The following ARSB variants were observed in gnomAD, a reference collection of about 807,000 sequenced individuals.
The protein encoded by ARSB is N-acetylgalactosamine-4-sulfatase.
ARSB carries 41 observed loss-of-function variants against 50.9 expected under a neutral mutation model. The observed-to-expected ratio is 0.81, with a 90% CI of 0.63 to 1.04. The LOEUF is 1.04. Among genes scored for constraint, ARSB ranks in the 50% least tolerant of loss-of-function variants. The pLI is 0.00. For missense variants in ARSB, 672 were observed against 693.3 expected (o/e 0.97, Z 0.35); for synonymous variants, 269 against 284.8 (o/e 0.94, Z 0.56).
intron 5 of ARSB, among the ~76,000 whole-genome samples, chr5:78,868,886 A>G (rs1333249965): frequency 1.3e-5 from 2 of 151,592 alleles, no homozygotes; most frequent in Non-Finnish European, 1.5e-5. Context: ...TAAAGAGTCA[A>G]GACCCATCAG....
intron 5 of ARSB, among the ~76,000 whole-genome samples, chr5:78,841,882 A>G (rs1745230914): frequency 6.6e-6 from 1 of 152,194 alleles, no homozygotes; most frequent in Non-Finnish European, 1.5e-5. Flanking sequence ...TATCTTAAGT[A>G]TGTTGTCATT....
intron 4 of ARSB, among the ~76,000 whole-genome samples, chr5:78,893,213 G>A (rs1748400768): frequency 2.0e-5 from 3 of 151,962 alleles, no homozygotes; most frequent in Admixed American, 1.3e-4. Flanking sequence ...ACCTTCCACC[G>A]TGATTGTGAG....
intron 5 of ARSB, among the ~76,000 whole-genome samples, chr5:78,853,186 T>G (rs1449802135): frequency 6.6e-6 from 1 of 152,248 alleles, no homozygotes; most frequent in Non-Finnish European, 1.5e-5. Context: ...TCTTTGTGGC[T>G]TTATCTGCTT....
intron 6 of ARSB, among the ~76,000 whole-genome samples, chr5:78,803,203 G>A (rs1743458391): frequency 6.6e-6 from 1 of 152,234 alleles, no homozygotes; most frequent in African/African-American, 2.4e-5. Context: ...TGCTTTCCTG[G>A]AGAGTGTTTT....
chr5:78,933,621 G>A (rs1409848372), intron 4 of ARSB, among the ~76,000 whole-genome samples: 1 of 152,126 alleles, frequency 6.6e-6, no homozygotes, highest in Non-Finnish European at 1.5e-5. Flanking sequence ...GCATTTGCAT[G>A]TGTGGTGAAT....
intron 4 of ARSB, among the ~76,000 whole-genome samples, chr5:78,937,303 T>C (rs558637722): frequency 3.6e-4 from 41 of 113,022 alleles, no homozygotes; most frequent in Admixed American, 8.2e-4. Flanking sequence ...ATGTAAGATA[T>C]ATATATCATA....
chr5:78,888,853 T>C (rs1288559258), intron 4 of ARSB, among the ~76,000 whole-genome samples: 1 of 152,254 alleles, frequency 6.6e-6, no homozygotes, highest in Admixed American at 6.5e-5. Flanking sequence ...CAATTAGTTC[T>C]CTGTGATGTT....
At chr5:78,846,814 C>T (rs999738218) in intron 5 of ARSB, among the ~76,000 whole-genome samples, 4 of 152,102 alleles carry the variant, frequency 2.6e-5, no homozygotes, top group African/African-American at 9.7e-5. Flanking sequence ...AAGTGAGCAT[C>T]GTTGTCTTGT....
At position 78,822,952 on chromosome 5, in the gene ARSB, T is replaced by G. The variant is rs564851012; in HGVS notation, c.1213+16404A>C. Among the ~76,000 whole-genome samples, 7 of 152,322 alleles carry G rather than the reference T, an allele frequency of 4.6e-5. 1 individual carries two copies. The South Asian group carries it at 1.5e-3, about 32-fold the overall frequency. ...CGCCTGGCCTCTAATCCTGTTTTAA[T>G]GTCTATATTATTTTTACACAACTGA... On this transcript the variant is annotated intron_variant, in intron 6 of 7. Coordinates refer to ENST00000264914, the MANE Select transcript of ARSB (RefSeq NM_000046.5).
At chr5:78,830,475 G>T (rs1240868708) in intron 6 of ARSB, among the ~76,000 whole-genome samples, 1 of 152,180 alleles carries the variant, frequency 6.6e-6, no homozygotes, top group African/African-American at 2.4e-5. Flanking sequence ...TGCCATTTCT[G>T]CGTAGCCTAG....
chr5:78,887,635 T>C (rs1379610562), intron 4 of ARSB, among the ~76,000 whole-genome samples: 1 of 152,220 alleles, frequency 6.6e-6, no homozygotes, highest in Non-Finnish European at 1.5e-5. Context: ...GTTCTTAAAA[T>C]TTACAACAAC....
At chr5:78,792,763 A>G (rs1172216665) in intron 6 of ARSB, among the ~76,000 whole-genome samples, 1 of 152,178 alleles carries the variant, frequency 6.6e-6, no homozygotes, top group Non-Finnish European at 1.5e-5. Context: ...AAACCAACTG[A>G]CCAACTGAAA....
At chr5:78,805,961 C>A (rs1043571068) in intron 6 of ARSB, among the ~76,000 whole-genome samples, 2 of 152,190 alleles carry the variant, frequency 1.3e-5, no homozygotes, top group African/African-American at 4.8e-5. Context: ...TCTAGCTGTG[C>A]GGCCTTGGGG....
intron 1 of ARSB, among the ~76,000 whole-genome samples, chr5:78,984,030 G>A (rs1753033485): frequency 6.6e-6 from 1 of 152,124 alleles, no homozygotes; most frequent in African/African-American, 2.4e-5. Context: ...TATTCAGATT[G>A]AGGGGAAAAA....
chr5:78,952,368 G>T (rs534814802), intron 4 of ARSB, among the ~76,000 whole-genome samples: 1 of 151,266 alleles, frequency 6.6e-6, no homozygotes, highest in African/African-American at 2.4e-5. Context: ...ACAAGGTCTC[G>T]CTCTGTTACC....
At chr5:78,857,293 G>A (rs1746195704) in intron 5 of ARSB, among the ~76,000 whole-genome samples, 1 of 152,112 alleles carries the variant, frequency 6.6e-6, no homozygotes, top group Non-Finnish European at 1.5e-5. Context: ...AAATATCAGT[G>A]TCAATATAGT....
intron 4 of ARSB, among the ~76,000 whole-genome samples, chr5:78,943,393 C>T (rs1751038287): frequency 6.6e-6 from 1 of 152,144 alleles, no homozygotes; most frequent in South Asian, 2.1e-4. Flanking sequence ...TACAATTTGG[C>T]ATGTTTTTGC....
chr5:78,781,632 C>A (rs1748928603), intron 7 of ARSB, among the ~76,000 whole-genome samples: 1 of 152,032 alleles, frequency 6.6e-6, no homozygotes, highest in Non-Finnish European at 1.5e-5. Context: ...GGTATCTGAG[C>A]AAAGTGAGGT....
intron 2 of ARSB, among the ~76,000 whole-genome samples, chr5:78,966,751 A>C (rs1297629369): frequency 6.6e-6 from 1 of 152,174 alleles, no homozygotes; most frequent in Non-Finnish European, 1.5e-5. Flanking sequence ...TCTACAGCCC[A>C]TCCTCTTCCC....
Sources: gnomAD v4.1 joint callset for allele counts (sites outside exome capture counted in the v4.1 genomes callset) on GRCh38, gnomAD v4.1.1 for gene constraint, MANE v1.5 for transcripts, NCBI Gene and HGNC (gene_info 2026-07-23, HGNC 2026-07-21) for gene names.